The following PLCB1 variants were observed in gnomAD, a reference collection of about 807,000 sequenced individuals.
PLCB1 encodes phospholipase C beta 1, also known as 1-phosphatidylinositol 4,5-bisphosphate phosphodiesterase beta-1.
A neutral mutation model predicts 161.8 loss-of-function variants in PLCB1; 46 were observed. The observed-to-expected ratio is 0.28, with a 90% CI of 0.22 to 0.36. PLCB1 has a LOEUF of 0.36. PLCB1 is among the 10% of genes least tolerant of loss of function. PLCB1 has a pLI of 1.00. For missense variants in PLCB1, 1,016 were observed against 1,472.5 expected (o/e 0.69, Z 5.07); for synonymous variants, 517 against 503.7 (o/e 1.03, Z -0.35).
chr20:8,466,516 C>T (rs1338514239), intron 3 of PLCB1, among the ~76,000 whole-genome samples: 6 of 151,994 alleles, frequency 3.9e-5, no homozygotes, highest in Non-Finnish European at 8.8e-5. Context: ...GGAATCTAGG[C>T]TGGCATAGTG....
intron 2 of PLCB1, among the ~76,000 whole-genome samples, chr20:8,351,673 G>A (rs1334562842): frequency 6.6e-6 from 1 of 151,860 alleles, no homozygotes; most frequent in Non-Finnish European, 1.5e-5. Flanking sequence ...TTAATATTTG[G>A]CAAAACATAT....
chr20:8,259,795 A>G (rs983976168), intron 2 of PLCB1, among the ~76,000 whole-genome samples: 1 of 152,154 alleles, frequency 6.6e-6, no homozygotes, highest in Non-Finnish European at 1.5e-5. Context: ...CATTTCATCA[A>G]TCTTAAGTTT....
In PLCB1 at chr20:8,384,787, A is replaced by G. The variant is rs1026592080; in HGVS notation, c.246+13337A>G. Among the ~76,000 whole-genome samples, 3 of 152,204 alleles carry G rather than the reference A, an allele frequency of 2.0e-5. No individual in the cohort carries two copies. In the East Asian group the frequency reaches 5.8e-4, roughly 29 times the overall value. ...CTTTCAGTGGTCAGGTCCCTCTTCT[A>G]TAGGGCTGCTGCAGTTTGCTGGGGG... On this transcript the variant is annotated intron_variant, in intron 3 of 31. Coordinates refer to ENST00000338037, the MANE Select transcript of PLCB1 (RefSeq NM_015192.4).
rs186717744 is a variant in PLCB1, at chr20:8,695,926, G to A, written c.1010-1700G>A. Among the ~76,000 whole-genome samples, 265 of 152,184 alleles carry A rather than the reference G, an allele frequency of 1.7e-3. 1 individual carries two copies. The highest frequency in any genetic ancestry group is 6.2e-3 in the African/African-American group (256 of 41,516). On this transcript the variant is annotated intron_variant, in intron 10 of 31. Coordinates refer to ENST00000338037, the MANE Select transcript of PLCB1 (RefSeq NM_015192.4). ...TCCATGCCCTGTGTATTATAATCAA[G>A]GCCCTCAGACCTTTCAGGTGCCTTC...
Position 8,337,346 on chromosome 20 carries a change from A to C in PLCB1, c.178-34036A>C, listed in dbSNP as rs61016090. On this transcript the variant is annotated intron_variant, in intron 2 of 31. Transcript: ENST00000338037. ...AGGCAGTCTAGCTTCCAAGTTGAGGATCTCACTGTTATAGCCATATTGGAA... is the reference window on the plus strand; with the variant it reads ...AGGCAGTCTAGCTTCCAAGTTGAGGCTCTCACTGTTATAGCCATATTGGAA... Among the ~76,000 whole-genome samples, 686 of 152,316 alleles carry C rather than the reference A, an allele frequency of 4.5e-3. 6 individuals carry two copies. Among genetic ancestry groups the C allele is most frequent in the African/African-American group, 0.016 (652 of 41,564 alleles).
At chr20:8,503,955 T>C (rs1983529064) in intron 3 of PLCB1, among the ~76,000 whole-genome samples, 1 of 152,204 alleles carries the variant, frequency 6.6e-6, no homozygotes, top group African/African-American at 2.4e-5. Context: ...CCATTATCAA[T>C]ATTTCCTCCC....
At chr20:8,871,217 G>A (rs1362454746) in intron 31 of PLCB1, among the ~76,000 whole-genome samples, 2 of 152,124 alleles carry the variant, frequency 1.3e-5, no homozygotes, top group African/African-American at 4.8e-5. Context: ...ATATATTAGA[G>A]CAGATTCAAA....
chr20:8,634,774 GC>G (rs1215788612), intron 4 of PLCB1, among the ~76,000 whole-genome samples: 1 of 152,076 alleles, frequency 6.6e-6, no homozygotes, highest in Non-Finnish European at 1.5e-5. Flanking sequence ...CAAGCACCTC[GC>G]TGGGCACTGA....
chr20:8,882,899 A>T lies in PLCB1; in HGVS notation c.*1050A>T, dbSNP rs1988046376. 1.3e-5 allele frequency: 2 copies of T among 152,638 alleles called. No individual in the cohort carries two copies. Among genetic ancestry groups the T allele is most frequent in the African/African-American group, 4.8e-5 (2 of 41,460 alleles). The allele number at this position is 152,638 out of a possible 1,614,324, so 9.5% of individuals were successfully genotyped here. On this transcript the variant is annotated 3_prime_UTR_variant, in exon 32 of 32. Transcript: ENST00000338037. The stretch of plus-strand genomic sequence containing the variant: ...GTCATGTAAGTGCATATACACATAC[A>T]CACACATGAGTGTAGACATGTGTTT...
In PLCB1 at chr20:8,537,075, A is replaced by G. The variant is rs146200739; in HGVS notation, c.247-91219A>G. Among the ~76,000 whole-genome samples, 777 of 152,334 alleles carry G rather than the reference A, an allele frequency of 5.1e-3. 5 individuals are homozygous for G. The highest frequency in any genetic ancestry group is 0.017 in the African/African-American group (691 of 41,580). ...GGCAAATTCATACGGGTCTGCAGCA[A>G]CCTCAATTCTTGCTTCCTCAGAAGA... On this transcript the variant is annotated intron_variant, in intron 3 of 31. Transcript: ENST00000338037.
chr20:8,359,085 G>A (rs1376692761), intron 2 of PLCB1, among the ~76,000 whole-genome samples: 1 of 152,110 alleles, frequency 6.6e-6, no homozygotes, highest in Non-Finnish European at 1.5e-5. Flanking sequence ...CCTTGTAAAA[G>A]AGTTTTTACA....
At chr20:8,815,599 C>T (rs549098170) in intron 31 of PLCB1, among the ~76,000 whole-genome samples, 1 of 152,312 alleles carries the variant, frequency 6.6e-6, no homozygotes, top group South Asian at 2.1e-4. Flanking sequence ...GGTCCACTTA[C>T]AGGCAGTGGT....
At chr20:8,236,937 T>C (rs979094273) in intron 2 of PLCB1, among the ~76,000 whole-genome samples, 7 of 152,032 alleles carry the variant, frequency 4.6e-5, no homozygotes, top group Non-Finnish European at 4.4e-5. Flanking sequence ...TTTTCACCCA[T>C]AAAATTTCCC....
At chr20:8,779,163 A>C (rs1212266760) in intron 27 of PLCB1, among the ~76,000 whole-genome samples, 1 of 152,260 alleles carries the variant, frequency 6.6e-6, no homozygotes, top group East Asian at 1.9e-4. Flanking sequence ...ATGCATTTCA[A>C]ATGCCACATC....
chr20:8,144,420 C>G (rs559774978), intron 1 of PLCB1, among the ~76,000 whole-genome samples: 32 of 152,254 alleles, frequency 2.1e-4, no homozygotes, highest in Middle Eastern at 3.4e-3. Flanking sequence ...GATTTTTCTG[C>G]TTGTTCTGTA....
intron 10 of PLCB1, among the ~76,000 whole-genome samples, chr20:8,694,574 T>G (rs2123421164): frequency 6.6e-6 from 1 of 152,308 alleles, no homozygotes; most frequent in Middle Eastern, 3.4e-3. Context: ...CAAGAAAATC[T>G]AAGGAAATGT....
chr20:8,544,441 A>G (rs184436844), intron 3 of PLCB1, among the ~76,000 whole-genome samples: 64 of 152,308 alleles, frequency 4.2e-4, no homozygotes, highest in African/African-American at 1.5e-3. Flanking sequence ...ACTACTGCCT[A>G]ACTTTGTGAC....
intron 2 of PLCB1, among the ~76,000 whole-genome samples, chr20:8,197,903 T>G (rs1444959769): frequency 6.6e-6 from 1 of 152,198 alleles, no homozygotes; most frequent in Non-Finnish European, 1.5e-5. Flanking sequence ...CCAGCACTAT[T>G]TGTTAAATAG....
At chr20:8,666,494 A>G (rs1989815476) in intron 9 of PLCB1, among the ~76,000 whole-genome samples, 1 of 152,188 alleles carries the variant, frequency 6.6e-6, no homozygotes, top group Admixed American at 6.5e-5. Context: ...GTTGTTTCCA[A>G]TCACGAAGCC....
Sources: allele counts gnomAD v4.1 joint callset (sites outside exome capture counted in the v4.1 genomes callset), GRCh38; gene constraint gnomAD v4.1.1; transcripts MANE v1.5; gene names NCBI Gene and HGNC (gene_info 2026-07-23, HGNC 2026-07-21).